The following SLC25A48 variants were observed in gnomAD, a reference collection of about 807,000 sequenced individuals.
SLC25A48 encodes the protein solute carrier family 25 member 48.
SLC25A48 carries 29 observed loss-of-function variants against 32.2 expected under a neutral mutation model. The ratio of observed to expected loss-of-function variants is 0.90; its 90% confidence interval spans 0.67 to 1.23. The LOEUF (loss-of-function observed/expected upper bound fraction) is 1.23. SLC25A48 is among the 50% of genes most tolerant of loss of function. The pLI, the probability that SLC25A48 is intolerant of heterozygous loss-of-function variation, is 0.00. For missense variants in SLC25A48, 399 were observed against 422.7 expected (o/e 0.94, Z 0.49); for synonymous variants, 164 against 172.3 (o/e 0.95, Z 0.38).
chr5:135,850,590 G>C (rs569836159), intron 3 of SLC25A48, 94 bp downstream of exon 3: 7 of 1,176,748 alleles, frequency 5.9e-6, no homozygotes, highest in Non-Finnish European at 3.7e-6. Context: ...GCAGGTGGGG[G>C]CCTCTCATCC....
intron 1 of SLC25A48, among the ~76,000 whole-genome samples, chr5:135,585,807 G>A (rs999850069): frequency 4.3e-4 from 64 of 149,362 alleles, no homozygotes; most frequent in African/African-American, 1.5e-3. Context: ...CTGTGATAAG[G>A]ATTAAATGAG....
chr5:135,825,500 T>A (rs1390979309), intron 4 of SLC25A48, among the ~76,000 whole-genome samples: 1 of 152,108 alleles, frequency 6.6e-6, no homozygotes, highest in Non-Finnish European at 1.5e-5. Flanking sequence ...TGAGTGACAT[T>A]GCTGAGTGCT....
chr5:135,587,151 C>T (rs1751387726), intron 1 of SLC25A48, among the ~76,000 whole-genome samples: 2 of 152,262 alleles, frequency 1.3e-5, no homozygotes, highest in South Asian at 2.1e-4. Context: ...CCACCTCAGC[C>T]TCCCAAGCAG....
intron 3 of SLC25A48, among the ~76,000 whole-genome samples, chr5:135,692,188 T>G (rs1379742621): frequency 6.6e-6 from 1 of 151,884 alleles, no homozygotes; most frequent in Admixed American, 6.6e-5. Context: ...TGTGGTGGCA[T>G]GCGCCTGTAG....
At position 135,783,412 on chromosome 5, in the gene SLC25A48, C is replaced by T. The variant is rs1164033331; in HGVS notation, c.-520-29111C>T. Among the ~76,000 whole-genome samples the T allele has an allele frequency of 2.6e-5, 3 of 117,608 alleles. No individual in the cohort carries two copies. The Admixed American group carries it at 2.6e-4, about 10-fold the overall frequency. 77.2% of individuals were successfully genotyped at this position (117,608 alleles called of 152,430 possible). On this transcript the variant is annotated intron_variant, in intron 3 of 10. Coordinates refer to the SLC25A48 transcript ENST00000646290. The stretch of plus-strand genomic sequence containing the variant: ...TATCACATGGGGTGTACACCATCCC[C>T]CTGTGTGATTGTTTCTGATATCCAG...
At chr5:135,693,924 G>T (rs1293324294) in intron 3 of SLC25A48, among the ~76,000 whole-genome samples, 3 of 151,834 alleles carry the variant, frequency 2.0e-5, no homozygotes, top group Admixed American at 6.6e-5. Flanking sequence ...TCTTTGTTCT[G>T]CAGGTTTCTG....
chr5:135,753,157 C>T (rs1755809760), intron 3 of SLC25A48, among the ~76,000 whole-genome samples: 1 of 151,934 alleles, frequency 6.6e-6, no homozygotes, highest in African/African-American at 2.4e-5. Context: ...AGGTATACTC[C>T]TTCTGTGATA....
At chr5:135,820,051 G>A (rs924697150) in intron 4 of SLC25A48, among the ~76,000 whole-genome samples, 2 of 149,338 alleles carry the variant, frequency 1.3e-5, no homozygotes, top group Non-Finnish European at 3.0e-5. Context: ...CTTACCATGT[G>A]ATCAAACTAC....
chr5:135,778,222 G>A lies in SLC25A48; in HGVS notation c.-520-34301G>A, dbSNP rs557368136. ...ATATCGCAGGGCGTGTACACCCCCTGTGTGATGTTTTTCCTAATATTCACG... is the reference window on the plus strand; with the variant it reads ...ATATCGCAGGGCGTGTACACCCCCTATGTGATGTTTTTCCTAATATTCACG... On this transcript the variant is annotated intron_variant, in intron 3 of 10. Transcript: ENST00000646290. Among the ~76,000 whole-genome samples the A allele has an allele frequency of 2.2e-4, 33 of 151,650 alleles. No homozygotes were observed. The South Asian group carries it at 6.9e-3, about 32-fold the overall frequency.
At chr5:135,672,683 T>A (rs1295971471) in intron 3 of SLC25A48, among the ~76,000 whole-genome samples, 1 of 152,212 alleles carries the variant, frequency 6.6e-6, no homozygotes, top group Non-Finnish European at 1.5e-5. Context: ...TTCGTAGTTT[T>A]TGCAAAAGTT....
At chr5:135,874,964 T>A in intron 6 of SLC25A48, 1 of 413,698 alleles carries the variant, frequency 2.4e-6, no homozygotes, top group Non-Finnish European at 4.2e-6. Context: ...AGCAGCTTCA[T>A]GTCTCAGGGC....
At chr5:135,862,510 T>C (rs1338541414) in intron 4 of SLC25A48, among the ~76,000 whole-genome samples, 2 of 152,068 alleles carry the variant, frequency 1.3e-5, no homozygotes, top group African/African-American at 4.8e-5. Context: ...GCAGACACAG[T>C]GGGTAAAGAA....
At chr5:135,626,338 A>G (rs1036606359) in intron 1 of SLC25A48, among the ~76,000 whole-genome samples, 1 of 152,206 alleles carries the variant, frequency 6.6e-6, no homozygotes, top group Non-Finnish European at 1.5e-5. Flanking sequence ...ATAAACATCC[A>G]TGGGTGCGTG....
intron 3 of SLC25A48, chr5:135,650,559 T>TA (rs776847492): frequency 1.3e-3 from 308 of 239,664 alleles, no homozygotes; most frequent in Non-Finnish European, 1.7e-3. Flanking sequence ...GGAGTGGAAC[T>TA]AAAAAAAAAA....
chr5:135,652,388 C>T (rs1753136813), intron 3 of SLC25A48: 1 of 456,124 alleles, frequency 2.2e-6, no homozygotes, highest in South Asian at 1.5e-5. Context: ...CCAGCACCAC[C>T]ATCCATGGAT....
At chr5:135,864,631 A>C (rs932657878) in intron 4 of SLC25A48, among the ~76,000 whole-genome samples, 1 of 152,216 alleles carries the variant, frequency 6.6e-6, no homozygotes, top group African/African-American at 2.4e-5. Flanking sequence ...AGGTTTGTGG[A>C]GAGGCCAAGC....
At chr5:135,867,759 C>G (rs116828543) in intron 4 of SLC25A48, among the ~76,000 whole-genome samples, 1,702 of 152,276 alleles carry the variant, frequency 0.011, 28 homozygotes, top group African/African-American at 0.038. Context: ...GCATTTTTAT[C>G]TCAGGTATAT....
intron 1 of SLC25A48, among the ~76,000 whole-genome samples, chr5:135,623,720 C>T (rs1752377215): frequency 1.3e-5 from 2 of 152,178 alleles, no homozygotes; most frequent in South Asian, 2.1e-4. Context: ...AGGAGACACC[C>T]AGGAAATCAT....
chr5:135,585,191 A>G lies in SLC25A48; in HGVS notation c.-849+5594A>G, dbSNP rs527300100. Among the ~76,000 whole-genome samples, 3 of 152,204 alleles carry G rather than the reference A, an allele frequency of 2.0e-5. No individual in the cohort carries two copies. In the South Asian group the frequency reaches 6.2e-4, roughly 32 times the overall value. On this transcript the variant is annotated intron_variant, in intron 1 of 10. Transcript: ENST00000646290. ...GCACAGGGGAACAAGCAGCCCCTCC[A>G]TCCGGCCTCACTTGTCCTCATTCTG...
Sources: allele counts gnomAD v4.1 joint callset (sites outside exome capture counted in the v4.1 genomes callset), GRCh38; gene constraint gnomAD v4.1.1; transcripts MANE v1.5; gene names NCBI Gene and HGNC (gene_info 2026-07-23, HGNC 2026-07-21).